Variants in IMPG2 observed in about 807,000 individuals in gnomAD.
IMPG2 encodes the protein interphotoreceptor matrix proteoglycan 2.
In IMPG2, 91 loss-of-function variants were observed where a neutral mutation model predicts 129.2. The observed-to-expected ratio is 0.70, with a 90% CI of 0.59 to 0.84. The LOEUF is 0.84. Among genes scored for constraint, IMPG2 ranks in the 40% least tolerant of loss-of-function variants. The pLI, the probability that IMPG2 is intolerant of heterozygous loss-of-function variation, is 0.00. For synonymous variants in IMPG2, 510 were observed against 517.7 expected (o/e 0.99, Z 0.20); for missense variants, 1,430 against 1,461.7 (o/e 0.98, Z 0.35).
chr3:101,253,688 A>C lies in IMPG2; in HGVS notation c.1239+8T>G. On this transcript the variant is annotated splice_region_variant and intron_variant, in intron 11 of 18. Transcript: ENST00000193391. ...GGCCTGGTTCTAGCATAAAACATAA[A>C]AACATACCAGAATAGATGACGGCGT... 6.2e-7 allele frequency: 1 copy of C among 1,601,142 alleles called. No individual in the cohort carries two copies. Among genetic ancestry groups the C allele is most frequent in the Non-Finnish European group, 8.6e-7 (1 of 1,169,580 alleles).
At position 101,317,083 on chromosome 3, in the gene IMPG2, G is replaced by A. The variant is rs187628506; in HGVS notation, c.334+2501C>T. On this transcript the variant is annotated intron_variant, in intron 2 of 18. Coordinates refer to ENST00000193391, the MANE Select transcript of IMPG2 (RefSeq NM_016247.4). ...TGCCTCAGTATTGGGGTAAGGAGAG[G>A]TAGTGAGGGAGGTGGGCATTATAAA... Among the ~76,000 whole-genome samples, 4 of 152,062 alleles carry A rather than the reference G, an allele frequency of 2.6e-5. No individual in the cohort carries two copies. In the East Asian group the frequency reaches 7.7e-4, roughly 29 times the overall value.
chr3:101,313,784 G>T (rs1000421307), intron 2 of IMPG2, among the ~76,000 whole-genome samples: 1 of 152,076 alleles, frequency 6.6e-6, no homozygotes, highest in Non-Finnish European at 1.5e-5. Context: ...CATAGAAATT[G>T]TTAAGTAGTA....
At chr3:101,294,720 G>A (rs929005664) in intron 3 of IMPG2, among the ~76,000 whole-genome samples, 2 of 152,192 alleles carry the variant, frequency 1.3e-5, no homozygotes, top group Admixed American at 1.3e-4. Context: ...CAGTGTAAAA[G>A]CATTCCTATT....
chr3:101,305,000 TC>T (rs1350229711), intron 2 of IMPG2, among the ~76,000 whole-genome samples: 2 of 152,042 alleles, frequency 1.3e-5, no homozygotes, highest in Non-Finnish European at 2.9e-5. Context: ...AAAATAATAA[TC>T]TTTTTTATAC....
At chr3:101,263,123 T>C (rs976377993) in intron 9 of IMPG2, among the ~76,000 whole-genome samples, 1 of 151,816 alleles carries the variant, frequency 6.6e-6, no homozygotes. Context: ...CACCCCATTA[T>C]CTCCCTAGAA....
At chr3:101,264,790 G>A (rs935197809) in intron 9 of IMPG2, among the ~76,000 whole-genome samples, 11 of 151,658 alleles carry the variant, frequency 7.3e-5, no homozygotes, top group Admixed American at 2.0e-4. Flanking sequence ...GATCTTACAC[G>A]GAGAAAAACC....
intron 3 of IMPG2, among the ~76,000 whole-genome samples, chr3:101,301,655 G>T (rs2107135036): frequency 6.6e-6 from 1 of 152,310 alleles, no homozygotes; most frequent in African/African-American, 2.4e-5. Context: ...GAAACTGGAA[G>T]GCTTCTTGGG....
At chr3:101,290,065 TC>T (rs1559654704) in intron 4 of IMPG2, among the ~76,000 whole-genome samples, 9 of 151,358 alleles carry the variant, frequency 5.9e-5, no homozygotes, top group Non-Finnish European at 8.8e-5. Flanking sequence ...GAGAAGTTAA[TC>T]GAGCCAATAG....
chr3:101,305,313 G>A (rs1416771106), intron 2 of IMPG2, among the ~76,000 whole-genome samples: 1 of 152,090 alleles, frequency 6.6e-6, no homozygotes, highest in Non-Finnish European at 1.5e-5. Context: ...AAGATCAGTG[G>A]TTTCCAGGGG....
intron 14 of IMPG2, among the ~76,000 whole-genome samples, chr3:101,237,729 A>G (rs1185810744): frequency 6.6e-6 from 1 of 152,194 alleles, no homozygotes; most frequent in African/African-American, 2.4e-5. Flanking sequence ...ACCAACATCA[A>G]AGACCAAAGG....
chr3:101,256,044 C>G (rs1258305487), intron 10 of IMPG2, among the ~76,000 whole-genome samples: 2 of 143,042 alleles, frequency 1.4e-5, no homozygotes, highest in Non-Finnish European at 3.0e-5. Flanking sequence ...AAGTTTTAGT[C>G]TGGCCTCTCA....
chr3:101,269,785 C>T (rs72932475), intron 7 of IMPG2, among the ~76,000 whole-genome samples: 6,766 of 151,770 alleles, frequency 0.045, 521 homozygotes, highest in African/African-American at 0.16. Flanking sequence ...TTCAAGGTTT[C>T]AATGTGCTTT....
At chr3:101,311,219 G>A (rs956857182) in intron 2 of IMPG2, among the ~76,000 whole-genome samples, 2 of 151,520 alleles carry the variant, frequency 1.3e-5, no homozygotes, top group Non-Finnish European at 2.9e-5. Flanking sequence ...TCTAACCAGG[G>A]CAATTGGGCA....
At chr3:101,256,769 T>C (rs1215809912) in intron 10 of IMPG2, among the ~76,000 whole-genome samples, 1 of 152,096 alleles carries the variant, frequency 6.6e-6, no homozygotes, top group Non-Finnish European at 1.5e-5. Flanking sequence ...TAACGTATAT[T>C]CCACTGAACA....
intron 2 of IMPG2, among the ~76,000 whole-genome samples, chr3:101,316,846 A>G (rs745434220): frequency 2.0e-5 from 3 of 152,178 alleles, no homozygotes; most frequent in Non-Finnish European, 2.9e-5. Flanking sequence ...AATATCCCAT[A>G]TTGTGGTATA....
chr3:101,319,580 T>G lies in IMPG2; in HGVS notation c.334+4A>C. ...GGAGCTGAAGGATTTGGATGTTCGC[T>G]TACCTCGGACTTTAAAATACTTCAC... On this transcript the variant is annotated splice_donor_region_variant and intron_variant, in intron 2 of 18. Transcript: ENST00000193391. 1 of 1,613,370 alleles carries G rather than the reference T, an allele frequency of 6.2e-7. No individual in the cohort carries two copies. Among genetic ancestry groups the G allele is most frequent in the Non-Finnish European group, 8.5e-7 (1 of 1,179,664 alleles).
intron 2 of IMPG2, among the ~76,000 whole-genome samples, chr3:101,306,840 G>C (rs2107139258): frequency 6.6e-6 from 1 of 152,130 alleles, no homozygotes; most frequent in South Asian, 2.1e-4. Flanking sequence ...AGATTTTATA[G>C]GCAGTACACA....
intron 3 of IMPG2, among the ~76,000 whole-genome samples, chr3:101,299,891 G>A (rs972151977): frequency 6.6e-6 from 1 of 152,212 alleles, no homozygotes; most frequent in East Asian, 1.9e-4. Flanking sequence ...GGTGACACAG[G>A]GAACAGGACA....
At chr3:101,274,865 G>A (rs1377304216) in intron 6 of IMPG2, among the ~76,000 whole-genome samples, 1 of 152,010 alleles carries the variant, frequency 6.6e-6, no homozygotes, top group African/African-American at 2.4e-5. Context: ...GTTATACTTA[G>A]GATAAAAGTA....
Sources: allele counts gnomAD v4.1 joint callset (sites outside exome capture counted in the v4.1 genomes callset), GRCh38; gene constraint gnomAD v4.1.1; transcripts MANE v1.5; gene names NCBI Gene and HGNC (gene_info 2026-07-23, HGNC 2026-07-21).